Variants in ACTN1 observed in about 807,000 individuals in gnomAD.
ACTN1 encodes the protein alpha-actinin-1.
Under a neutral mutation model 119.6 loss-of-function variants are expected in ACTN1, and 30 were observed. The observed-to-expected ratio is 0.25, with a 90% CI of 0.19 to 0.34. ACTN1 has a LOEUF of 0.34. Ranked by LOEUF, ACTN1 falls within the 10% of genes least tolerant of loss-of-function variation. The pLI is 1.00. For missense variants in ACTN1, 764 were observed against 1,223.4 expected (o/e 0.62, Z 5.60); for synonymous variants, 429 against 472.6 (o/e 0.91, Z 1.20).
chr14:68,900,198 A>T (rs2033218318), intron 8 of ACTN1, among the ~76,000 whole-genome samples: 1 of 151,896 alleles, frequency 6.6e-6, no homozygotes. Context: ...ATCATTTTTT[A>T]CCTCTTCCCC....
At chr14:68,875,341 A>C (rs1392897217) in intron 21 of ACTN1, among the ~76,000 whole-genome samples, 1 of 152,254 alleles carries the variant, frequency 6.6e-6, no homozygotes, top group African/African-American at 2.4e-5. Flanking sequence ...CTGGAGCAGT[A>C]TCAGCAGATA....
At chr14:68,951,707 C>T (rs560538289) in intron 1 of ACTN1, among the ~76,000 whole-genome samples, 31 of 152,192 alleles carry the variant, frequency 2.0e-4, no homozygotes, top group Non-Finnish European at 3.2e-4. Flanking sequence ...GAAGACTGGA[C>T]GTGGTCTTGG....
At chr14:68,927,598 A>AG (rs2034996137) in intron 1 of ACTN1, among the ~76,000 whole-genome samples, 1 of 152,120 alleles carries the variant, frequency 6.6e-6, no homozygotes, top group Admixed American at 6.5e-5. Flanking sequence ...CTCTCAGGGC[A>AG]GGGGGTGATG....
intron 8 of ACTN1, among the ~76,000 whole-genome samples, chr14:68,897,392 T>C (rs2032957957): frequency 6.6e-6 from 1 of 152,220 alleles, no homozygotes. Context: ...TATGAACTAT[T>C]ATTATCCCTG....
At chr14:68,970,031 G>A (rs912064282) in intron 1 of ACTN1, among the ~76,000 whole-genome samples, 3 of 152,082 alleles carry the variant, frequency 2.0e-5, no homozygotes, top group Non-Finnish European at 2.9e-5. Context: ...CAGCTTTGCA[G>A]ATGGCTTTTA....
At chr14:68,876,276 A>C (rs2030881423) in intron 21 of ACTN1, among the ~76,000 whole-genome samples, 1 of 152,226 alleles carries the variant, frequency 6.6e-6, no homozygotes, top group Admixed American at 6.5e-5. Context: ...TACAGGCGTG[A>C]GCCACTGTGC....
intron 3 of ACTN1, among the ~76,000 whole-genome samples, chr14:68,920,395 C>T (rs1384376145): frequency 6.6e-6 from 1 of 152,140 alleles, no homozygotes; most frequent in Non-Finnish European, 1.5e-5. Context: ...ATTTTCTGCC[C>T]ACTCTAAACA....
In ACTN1 at chr14:68,925,639, T is replaced by C; in HGVS notation, c.139A>G (p.Lys47Glu). 6.2e-7 allele frequency: 1 copy of C among 1,613,140 alleles called. No homozygotes were observed. The highest frequency in any genetic ancestry group is 8.5e-7 in the Non-Finnish European group (1 of 1,179,508). ...ATGTTCTCGATCTGTGTCCCCGCCT[T>C]CCGGAGGTGGGAGTTACACCATGCC... Reference protein sequence around the residue: ...FTAWCNSHLRKAGTQIENIEE... With the variant: ...FTAWCNSHLREAGTQIENIEE... Residue 47 changes from lysine (K) to glutamate (E), a missense_variant, in exon 2 of 22, where the codon AAG becomes GAG. Lys to Glu is a moderately conservative substitution (Grantham distance 56). Transcript: ENST00000394419. This position sits in a 1 kb window ranked among gnomAD's most constrained non-coding sequence, Gnocchi z 4.3.
At chr14:68,904,779 C>A in intron 6 of ACTN1, 43 bp from the exon 7 acceptor site, 1 of 1,555,278 alleles carries the variant, frequency 6.4e-7, no homozygotes, top group African/African-American at 1.4e-5. Flanking sequence ...GTGAGAGCCA[C>A]CACAAGTCAC....
At chr14:68,902,609 C>A (rs2140241062) in intron 7 of ACTN1, 47 bp from the exon 8 acceptor site, 1 of 1,520,702 alleles carries the variant, frequency 6.6e-7, no homozygotes, top group South Asian at 1.1e-5. Flanking sequence ...CCAAGAACAC[C>A]ATACACCCCC....
At chr14:68,914,545 C>T (rs997906997) in intron 3 of ACTN1, among the ~76,000 whole-genome samples, 4 of 151,990 alleles carry the variant, frequency 2.6e-5, no homozygotes, top group Non-Finnish European at 4.4e-5. Context: ...GTGGGAGGAT[C>T]GCTTGAGCCC....
At chr14:68,917,155 T>C (rs141548324) in intron 3 of ACTN1, among the ~76,000 whole-genome samples, 5 of 152,318 alleles carry the variant, frequency 3.3e-5, no homozygotes, top group Non-Finnish European at 5.9e-5. Context: ...ATGAAGTCTA[T>C]GCATTCTAGA....
At chr14:68,975,832 C>T (rs932236233) in intron 1 of ACTN1, among the ~76,000 whole-genome samples, 2 of 152,234 alleles carry the variant, frequency 1.3e-5, no homozygotes, top group African/African-American at 4.8e-5. Context: ...GAGGGACAAG[C>T]CTCGGCCAAG....
intron 8 of ACTN1, among the ~76,000 whole-genome samples, chr14:68,894,209 G>A (rs974438357): frequency 6.6e-6 from 1 of 152,166 alleles, no homozygotes; most frequent in Non-Finnish European, 1.5e-5. Context: ...GGGATAAAGT[G>A]CTGACTGAGA....
rs1594799389 is a variant in ACTN1, at chr14:68,909,844, C to A, written c.515+111G>T. 3.5e-6 allele frequency: 3 copies of A among 853,878 alleles called. No homozygotes were observed. The highest frequency in any genetic ancestry group is 4.9e-5 in the East Asian group (2 of 41,020). 52.9% of individuals were successfully genotyped at this position (853,878 alleles called of 1,614,324 possible). The stretch of plus-strand genomic sequence containing the variant: ...TCCCAAGGAAAGCTACTTCTTCCCC[C>A]AGAGGTCTCCACTTTGTTCTAAAGC... On this transcript the variant is annotated intron_variant, in intron 5 of 21. Transcript: ENST00000394419. The surrounding 1 kb of genome is among the most constrained non-coding windows in gnomAD (Gnocchi z 4.1).
chr14:68,917,572 A>C (rs959195610), intron 3 of ACTN1, among the ~76,000 whole-genome samples: 6 of 152,186 alleles, frequency 3.9e-5, no homozygotes, highest in Non-Finnish European at 7.3e-5. Context: ...TATAATCGAC[A>C]TCAATAAACT....
intron 1 of ACTN1, among the ~76,000 whole-genome samples, chr14:68,944,499 T>C (rs1286689946): frequency 6.6e-6 from 1 of 152,166 alleles, no homozygotes; most frequent in African/African-American, 2.4e-5. Context: ...CGTGGGCAAA[T>C]ACAGGCACTG....
rs141041604 is a variant in ACTN1, at chr14:68,887,331, C to T, written c.1235-1756G>A. On this transcript the variant is annotated intron_variant, in intron 11 of 21. Transcript: ENST00000394419. ...GATGTTACAGAGTGCACAATTCTGA[C>T]AGGGAGAGCCATGATCAAAGAGTGG... is the stretch of plus-strand genomic sequence containing the variant. 3.5e-3 allele frequency: 1,252 copies of T among 358,434 alleles called. 7 individuals are homozygous for T. The highest frequency in any genetic ancestry group is 0.022 in the East Asian group (286 of 13,234). The allele number at this position is 358,434 out of a possible 1,614,324, so 22.2% of individuals were successfully genotyped here. A position where few individuals can be genotyped will look rare whatever the true frequency, so the allele number is the denominator to read the frequency against.
chr14:68,885,288 T>A lies in ACTN1; in HGVS notation c.1385+137A>T, dbSNP rs2031899032. On this transcript the variant is annotated intron_variant, in intron 12 of 21. Transcript: ENST00000394419. This position sits in a 1 kb window ranked among gnomAD's most constrained non-coding sequence, Gnocchi z 5.6. ...CAGGAGAGATATTTGTCTCCTGCGT[T>A]GACTCCCTCCCCACCTGGGCACCCA... 2 of 1,164,316 alleles carry A rather than the reference T, an allele frequency of 1.7e-6. No homozygotes were observed. The highest frequency in any genetic ancestry group is 5.7e-5 in the Admixed American group (2 of 35,066). The allele number at this position is 1,164,316 out of a possible 1,614,324, so 72.1% of individuals were successfully genotyped here.
Sources: gnomAD v4.1 joint callset for allele counts (sites outside exome capture counted in the v4.1 genomes callset) on GRCh38, gnomAD v4.1.1 for gene constraint, Gnocchi (gnomAD v3.1) non-coding constraint, MANE v1.5 for transcripts, NCBI Gene and HGNC (gene_info 2026-07-23, HGNC 2026-07-21) for gene names.